The following FBXW8 variants were observed in gnomAD, a reference collection of about 807,000 sequenced individuals.
FBXW8 encodes F-box and WD repeat domain containing 8.
Under a neutral mutation model 65.3 loss-of-function variants are expected in FBXW8, and 57 were observed. The observed-to-expected ratio is 0.87, with a 90% CI of 0.71 to 1.09. The LOEUF (loss-of-function observed/expected upper bound fraction) is 1.09, where lower values mean the gene tolerates loss of function less well. Among genes scored for constraint, FBXW8 ranks in the 50% least tolerant of loss-of-function variants. The pLI is 0.00. For synonymous variants in FBXW8, 308 were observed against 330.2 expected, an observed-to-expected ratio of 0.93 and a Z score of 0.73; for missense variants, 777 against 814.8, an observed-to-expected ratio of 0.95 and a Z score of 0.57.
chr12:116,935,134 C>T (rs1030173427), intron 2 of FBXW8, among the ~76,000 whole-genome samples: 8 of 151,806 alleles, frequency 5.3e-5, no homozygotes, highest in Non-Finnish European at 1.2e-4. Context: ...GATAGAAAAA[C>T]GTGCATAAAC....
At chr12:116,982,672 G>A (rs1259069380) in intron 5 of FBXW8, among the ~76,000 whole-genome samples, 2 of 147,990 alleles carry the variant, frequency 1.4e-5, no homozygotes, top group Admixed American at 1.3e-4. Flanking sequence ...ATAGCTCTGT[G>A]CTACTCAACC....
intron 5 of FBXW8, among the ~76,000 whole-genome samples, chr12:116,969,885 T>A (rs1052887685): frequency 6.6e-6 from 1 of 152,166 alleles, no homozygotes; most frequent in African/African-American, 2.4e-5. Context: ...ATTCCAACCC[T>A]CTGGCCTCAT....
In FBXW8 at chr12:116,988,763, G is replaced by A. The variant is rs774812881; in HGVS notation, c.1133G>A (p.Arg378Lys). 30 of 1,614,176 alleles carry A rather than the reference G, an allele frequency of 1.9e-5. No homozygotes were observed. Among genetic ancestry groups the A allele is most frequent in the Non-Finnish European group, 2.5e-5 (30 of 1,180,044 alleles). ...MYLLKAEDSA[R>K]TLLYAHGPPV... is the part of the protein sequence containing the mutation. ...CTGCTCAAAGCCGAAGACTCCGCCA[G>A]AACCCTCCTTTACGCCCACGGCCCG... The change falls in exon 7 of 11, where the codon AGA (arginine) becomes AAA (lysine). Residue 378 changes from arginine to lysine, a missense_variant. Arg to Lys is a conservative substitution (Grantham distance 26). Coordinates refer to ENST00000652555, the MANE Select transcript of FBXW8 (RefSeq NM_153348.3).
At chr12:116,926,851 G>A (rs1881362163) in intron 1 of FBXW8, among the ~76,000 whole-genome samples, 1 of 152,024 alleles carries the variant, frequency 6.6e-6, no homozygotes, top group Non-Finnish European at 1.5e-5. Flanking sequence ...ACTTCTAGAT[G>A]AACAGAAACT....
intron 7 of FBXW8, among the ~76,000 whole-genome samples, chr12:117,003,954 T>G (rs1266716759): frequency 1.3e-5 from 2 of 152,344 alleles, no homozygotes; most frequent in East Asian, 1.9e-4. Flanking sequence ...TTCTTGTGTG[T>G]CCCTCCTTTC....
In FBXW8 at chr12:116,949,557, T is replaced by C. The variant is rs933696961; in HGVS notation, c.589-61T>C. Reference sequence around the variant, plus strand: ...GTGGAAAGTAGGTGAAAAAGCACGATGCTTGGCTTTCGGGCTGTCCCGAGA... The same window carrying C: ...GTGGAAAGTAGGTGAAAAAGCACGACGCTTGGCTTTCGGGCTGTCCCGAGA... On this transcript the variant is annotated intron_variant, in intron 3 of 10. Transcript: ENST00000652555. 1.1e-4 allele frequency: 166 copies of C among 1,481,800 alleles called. No homozygotes were observed. The African/African-American group carries it at 2.0e-3, about 18-fold the overall frequency. 91.8% of individuals were successfully genotyped at this position (1,481,800 alleles called of 1,614,324 possible). A position where few individuals can be genotyped will look rare whatever the true frequency, so the allele number is the denominator to read the frequency against.
At chr12:117,021,162 AG>A (rs1416963133) in intron 8 of FBXW8, among the ~76,000 whole-genome samples, 1 of 152,234 alleles carries the variant, frequency 6.6e-6, no homozygotes, top group Admixed American at 6.5e-5. Flanking sequence ...TTTGCTGGGT[AG>A]ATTGGTGACA....
At chr12:116,978,140 G>C (rs534715496) in intron 5 of FBXW8, 1 of 152,328 alleles carries the variant, frequency 6.6e-6, no homozygotes, top group South Asian at 2.1e-4. Flanking sequence ...TGTGGTCAGC[G>C]GGAAAGCAGG....
At position 116,964,858 on chromosome 12, in the gene FBXW8, A is replaced by G. The variant is rs751949631; in HGVS notation, c.835+4A>G. On this transcript the variant is annotated splice_donor_region_variant and intron_variant, in intron 5 of 10. Coordinates refer to ENST00000652555, the MANE Select transcript of FBXW8 (RefSeq NM_153348.3). ...GCAGTAGCAGCTTATGAGGATGGTA[A>G]GTAACCACAACCCTCCTCCCTATTA... is the stretch of plus-strand genomic sequence containing the variant. 1 of 1,598,314 alleles carries G rather than the reference A, an allele frequency of 6.3e-7. No homozygotes were observed. Among genetic ancestry groups the G allele is most frequent in the Non-Finnish European group, 8.5e-7 (1 of 1,173,232 alleles).
intron 8 of FBXW8, among the ~76,000 whole-genome samples, chr12:117,020,133 A>G (rs1448002220): frequency 6.6e-6 from 1 of 152,160 alleles, no homozygotes; most frequent in Non-Finnish European, 1.5e-5. Flanking sequence ...CCCGGGTCCC[A>G]CTGTATGGAT....
intron 3 of FBXW8, 113 bp downstream of exon 3, chr12:116,945,641 C>A: frequency 1.0e-6 from 1 of 962,422 alleles, no homozygotes; most frequent in Non-Finnish European, 1.5e-6. Context: ...GAGAGGGGTA[C>A]ACTGAGCCTC....
At chr12:116,923,193 G>A (rs946286301) in intron 1 of FBXW8, among the ~76,000 whole-genome samples, 1 of 152,076 alleles carries the variant, frequency 6.6e-6, no homozygotes, top group Non-Finnish European at 1.5e-5. Context: ...GCGACAGAGC[G>A]AGACTCTGTC....
intron 8 of FBXW8, among the ~76,000 whole-genome samples, chr12:117,012,751 CA>C (rs1291723494): frequency 6.6e-6 from 1 of 152,184 alleles, no homozygotes; most frequent in Non-Finnish European, 1.5e-5. Flanking sequence ...CAATTTTTTA[CA>C]AACCCTAGAA....
At position 116,990,205 on chromosome 12, in the gene FBXW8, A is replaced by G. The variant is rs187177026; in HGVS notation, c.1239+1336A>G. Among the ~76,000 whole-genome samples, 25 of 152,332 alleles carry G rather than the reference A, an allele frequency of 1.6e-4. No individual in the cohort carries two copies. In the East Asian group the frequency reaches 3.3e-3, roughly 20 times the overall value. ...CGGTAGACGATATGTGTGGCATCCT[A>G]TCATCTCAATGTGAAACTTTATCAT... On this transcript the variant is annotated intron_variant, in intron 7 of 10. Transcript: ENST00000652555.
At chr12:117,005,573 C>G (rs1355944632) in intron 7 of FBXW8, among the ~76,000 whole-genome samples, 1 of 152,178 alleles carries the variant, frequency 6.6e-6, no homozygotes, top group African/African-American at 2.4e-5. Flanking sequence ...AACCACAGAT[C>G]TGGGGAAGAG....
At chr12:117,000,802 T>C (rs1953499528) in intron 7 of FBXW8, among the ~76,000 whole-genome samples, 1 of 152,252 alleles carries the variant, frequency 6.6e-6, no homozygotes, top group African/African-American at 2.4e-5. Context: ...TAACGCATCA[T>C]AGCAGTGTTT....
chr12:117,019,346 G>A (rs1052963827), intron 8 of FBXW8, among the ~76,000 whole-genome samples: 11 of 152,308 alleles, frequency 7.2e-5, no homozygotes, highest in Non-Finnish European at 5.9e-5. Flanking sequence ...TGGCCAGTCC[G>A]AAGGGCTTGT....
At chr12:116,983,295 T>C (rs548831686) in intron 5 of FBXW8, among the ~76,000 whole-genome samples, 2 of 152,226 alleles carry the variant, frequency 1.3e-5, no homozygotes, top group Non-Finnish European at 2.9e-5. Flanking sequence ...TATTTTTCTC[T>C]TCTGAGTCAG....
intron 7 of FBXW8, among the ~76,000 whole-genome samples, chr12:116,993,098 CTTTTTTTTTTTT>C (rs71099026): frequency 2.3e-5 from 2 of 85,420 alleles, no homozygotes; most frequent in African/African-American, 4.6e-5. Flanking sequence ...TGATTTTTGA[CTTTTTTTTTTTT>C]TTTTTTTTTT....
Sources: allele counts gnomAD v4.1 joint callset (sites outside exome capture counted in the v4.1 genomes callset), GRCh38; gene constraint gnomAD v4.1.1; transcripts MANE v1.5; gene names NCBI Gene and HGNC (gene_info 2026-07-23, HGNC 2026-07-21).